Variants in ADGRL2 observed in about 807,000 individuals in gnomAD.
The protein encoded by ADGRL2 is calcium-independent alpha-latrotoxin receptor 2.
A neutral mutation model predicts 157.4 loss-of-function variants in ADGRL2; 44 were observed. The observed-to-expected ratio is 0.28, with a 90% CI of 0.22 to 0.36. ADGRL2 has a LOEUF of 0.36. Ranked by LOEUF, ADGRL2 falls within the 10% of genes least tolerant of loss-of-function variation. The probability of loss-of-function intolerance (pLI) is 1.00; values close to 1 mark genes in which losing one functional copy is unlikely to be tolerated. For missense variants in ADGRL2, 1,510 were observed against 1,768.9 expected (o/e 0.85, Z 2.63); for synonymous variants, 585 against 624.7 (o/e 0.94, Z 0.95).
intron 3 of ADGRL2, among the ~76,000 whole-genome samples, chr1:81,932,797 G>C (rs763440201): frequency 6.6e-6 from 1 of 152,086 alleles, no homozygotes; most frequent in African/African-American, 2.4e-5. Flanking sequence ...AGGTTCAAGC[G>C]ATTCTCCTGC....
intron 2 of ADGRL2, among the ~76,000 whole-genome samples, chr1:81,897,114 C>G (rs1287592074): frequency 6.6e-6 from 1 of 152,108 alleles, no homozygotes; most frequent in Non-Finnish European, 1.5e-5. Context: ...AACAAATGAC[C>G]CAAACCTAAG....
At chr1:81,790,777 G>A (rs1448082554) in intron 2 of ADGRL2, among the ~76,000 whole-genome samples, 1 of 152,144 alleles carries the variant, frequency 6.6e-6, no homozygotes, top group Non-Finnish European at 1.5e-5. Flanking sequence ...AATTACTTCA[G>A]TATGATTGGT....
At chr1:81,738,802 A>C (rs76177896) in intron 1 of ADGRL2, among the ~76,000 whole-genome samples, 52 of 152,288 alleles carry the variant, frequency 3.4e-4, no homozygotes, top group Admixed American at 2.7e-3. Flanking sequence ...GCCTCACCTC[A>C]GCCTCTGAAC....
intron 1 of ADGRL2, among the ~76,000 whole-genome samples, chr1:81,391,209 C>T (rs1418804007): frequency 1.3e-5 from 2 of 152,308 alleles, no homozygotes; most frequent in East Asian, 1.9e-4. Context: ...GAGCACTTAT[C>T]CAGTGCTCCG....
upstream of ADGRL2, among the ~76,000 whole-genome samples, chr1:81,699,417 G>A (rs930618322): frequency 6.6e-6 from 1 of 152,186 alleles, no homozygotes; most frequent in Admixed American, 6.5e-5. Flanking sequence ...TGACGGTGCT[G>A]CTTAACTCGA....
intron 1 of ADGRL2, among the ~76,000 whole-genome samples, chr1:81,743,379 G>A (rs1054966540): frequency 5.8e-5 from 8 of 137,276 alleles, no homozygotes; most frequent in African/African-American, 2.3e-4. Flanking sequence ...AAAGCAGAGT[G>A]CTAATAACAG....
At chr1:81,417,705 T>C (rs1021320732) in intron 1 of ADGRL2, among the ~76,000 whole-genome samples, 1 of 152,198 alleles carries the variant, frequency 6.6e-6, no homozygotes, top group Non-Finnish European at 1.5e-5. Context: ...ATAATTTCAG[T>C]TCGAAACTTG....
At chr1:81,622,480 C>T (rs570108434) in intron 3 of ADGRL2, among the ~76,000 whole-genome samples, 1 of 152,196 alleles carries the variant, frequency 6.6e-6, no homozygotes. Context: ...ACTCAGGAGC[C>T]TGAGGCAGGA....
Position 81,641,612 on chromosome 1 carries a change from T to A in ADGRL2, c.-143+60632T>A, listed in dbSNP as rs190819600. Among the ~76,000 whole-genome samples the A allele has an allele frequency of 2.0e-3, 308 of 152,216 alleles. 1 individual carries two copies. The highest frequency in any genetic ancestry group is 3.2e-3 in the Non-Finnish European group (219 of 68,008). Reference sequence around the variant, plus strand: ...TCAAAGAAGACATGTCAAGAGAAATTTAAAAATACTTGAAACTAAATGAAA... The same window carrying A: ...TCAAAGAAGACATGTCAAGAGAAATATAAAAATACTTGAAACTAAATGAAA... On this transcript the variant is annotated intron_variant, in intron 3 of 24. Transcript: ENST00000370721.
chr1:81,760,310 C>G (rs962912035), intron 1 of ADGRL2, among the ~76,000 whole-genome samples: 2 of 151,956 alleles, frequency 1.3e-5, no homozygotes, highest in African/African-American at 4.8e-5. Context: ...CTGAATGTTG[C>G]CATAGCAATT....
chr1:81,384,025 T>C (rs1196451534), intron 1 of ADGRL2, among the ~76,000 whole-genome samples: 1 of 149,432 alleles, frequency 6.7e-6, no homozygotes, highest in African/African-American at 2.5e-5. Context: ...TGGAGACAAA[T>C]TTAACAAGGT....
intron 3 of ADGRL2, among the ~76,000 whole-genome samples, chr1:81,683,890 C>G (rs554549263): frequency 1.3e-5 from 2 of 151,964 alleles, no homozygotes; most frequent in African/African-American, 2.4e-5. Context: ...AATCTCGGCT[C>G]GCTGCAACCT....
At chr1:81,572,229 C>T (rs1349668190) in intron 2 of ADGRL2, among the ~76,000 whole-genome samples, 2 of 152,238 alleles carry the variant, frequency 1.3e-5, no homozygotes, top group Admixed American at 1.3e-4. Context: ...TACTTTGAGG[C>T]CAAGCATTAT....
intron 16 of ADGRL2, 136 bp from the exon 17 acceptor site, chr1:81,971,716 C>A: frequency 1.8e-6 from 1 of 553,740 alleles, no homozygotes; most frequent in South Asian, 2.7e-5. Flanking sequence ...TATTAGAGGT[C>A]TTGCACATGA....
In ADGRL2 at chr1:81,858,312, T is replaced by C. The variant is rs902099195; in HGVS notation, c.73+21255T>C. 3.3e-5 allele frequency among the ~76,000 whole-genome samples: 5 copies of C among 152,330 alleles called. No homozygotes were observed. In the East Asian group the frequency reaches 5.8e-4, roughly 18 times the overall value. On this transcript the variant is annotated intron_variant, in intron 2 of 23. Coordinates refer to ENST00000686636, the MANE Select transcript of ADGRL2 (RefSeq NM_001366006.2). ...AGGACACAGAATTAATAACTGAGCC[T>C]ATAGTACTACTATTCCTTGATTTGA... is the stretch of plus-strand genomic sequence containing the variant.
intron 2 of ADGRL2, among the ~76,000 whole-genome samples, chr1:81,892,240 G>T (rs2151444875): frequency 6.6e-6 from 1 of 152,104 alleles, no homozygotes; most frequent in South Asian, 2.1e-4. Flanking sequence ...TTAACTCCTT[G>T]TCCGGAATTA....
intron 2 of ADGRL2, among the ~76,000 whole-genome samples, chr1:81,569,522 T>C (rs929968822): frequency 2.6e-5 from 4 of 152,206 alleles, no homozygotes; most frequent in Non-Finnish European, 1.5e-5. Flanking sequence ...GATGTCAGCA[T>C]GTAGGCCAGG....
chr1:81,792,779 T>C (rs1472321263), intron 2 of ADGRL2, among the ~76,000 whole-genome samples: 1 of 152,120 alleles, frequency 6.6e-6, no homozygotes, highest in Non-Finnish European at 1.5e-5. Context: ...CATAAAGTGT[T>C]TGTAGAGATT....
At chr1:81,427,704 C>A in intron 1 of ADGRL2, 1 of 416,318 alleles carries the variant, frequency 2.4e-6, no homozygotes, top group Non-Finnish European at 4.4e-6. Context: ...ATCCCAAATG[C>A]ATTAAAGGAA....
Sources: gnomAD v4.1 joint callset for allele counts (sites outside exome capture counted in the v4.1 genomes callset) on GRCh38, gnomAD v4.1.1 for gene constraint, MANE v1.5 for transcripts, NCBI Gene and HGNC (gene_info 2026-07-23, HGNC 2026-07-21) for gene names.